IKBIP: variants seen among roughly 807,000 people sequenced by gnomAD.
IKBIP encodes IKBKB interacting protein.
In IKBIP, 28 loss-of-function variants were observed where a neutral mutation model predicts 31.0. The observed-to-expected ratio is 0.90, with a 90% CI of 0.67 to 1.24. The LOEUF is 1.24. Ranked by LOEUF, IKBIP falls within the 50% of genes most tolerant of loss-of-function variation. The pLI, the probability that IKBIP is intolerant of heterozygous loss-of-function variation, is 0.00. For synonymous variants in IKBIP, 164 were observed against 160.3 expected, an observed-to-expected ratio of 1.02 and a Z score of -0.17; for missense variants, 453 against 441.9, an observed-to-expected ratio of 1.03 and a Z score of -0.23.
chr12:98,631,859 A>C (rs2153298840), intron 2 of IKBIP, among the ~76,000 whole-genome samples: 1 of 150,828 alleles, frequency 6.6e-6, no homozygotes, highest in African/African-American at 2.4e-5. Context: ...TTTTATTTAT[A>C]TTTATTTATT....
downstream of IKBIP, among the ~76,000 whole-genome samples, chr12:98,621,596 T>C (rs2097610179): frequency 6.6e-6 from 1 of 152,202 alleles, no homozygotes; most frequent in South Asian, 2.1e-4. Flanking sequence ...CTCCATGGTG[T>C]AGTGAGATGT....
chr12:98,614,405 T>C (rs2097605136), intron 2 of IKBIP: 1 of 843,368 alleles, frequency 1.2e-6, no homozygotes, highest in Admixed American at 3.6e-5. Flanking sequence ...AAATTCATCT[T>C]AAATTTTATA....
In IKBIP at chr12:98,626,025, T is replaced by C; in HGVS notation, c.1039A>G (p.Lys347Glu). The change falls in exon 3 of 3, where the codon AAA (lysine) becomes GAA (glutamate). Residue 347 changes from lysine to glutamate, a missense_variant. By Grantham distance (56) the Lys-to-Glu change is moderately conservative. Transcript: ENST00000299157. Reference protein sequence around the residue: ...MQNELDILKEKVHDFIAYSST... With the variant: ...MQNELDILKEEVHDFIAYSST... ...GAGTATGCTATAAAATCATGAACTT[T>C]TTCTTTTAGAATATCCAGTTCATTT... 1 of 1,568,830 alleles carries C rather than the reference T, an allele frequency of 6.4e-7. No individual in the cohort carries two copies. The highest frequency in any genetic ancestry group is 1.2e-5 in the South Asian group (1 of 83,984).
rs1350418764 is a variant in IKBIP at position 98,625,615 on chromosome 12, G to T, written c.*315C>A. 8.0e-5 allele frequency: 13 copies of T among 162,594 alleles called. No homozygotes were observed. The highest frequency in any genetic ancestry group is 1.5e-4 in the Non-Finnish European group (11 of 75,612). The allele number at this position is 162,594 out of a possible 1,614,324, so 10.1% of individuals were successfully genotyped here. On this transcript the variant is annotated 3_prime_UTR_variant, in exon 3 of 3. Transcript: ENST00000299157. ...TTAGCCCCTGGAGACATCAATATAT[G>T]TGGGTACAATATAATAGGTGAAATT...
intron 1 of IKBIP, 124 bp from the exon 2 acceptor site, chr12:98,634,537 T>C (rs968614095): frequency 5.8e-5 from 22 of 382,522 alleles, no homozygotes; most frequent in Non-Finnish European, 9.0e-5. Context: ...GCTGTAGGTT[T>C]TTTTTTTTTT....
chr12:98,619,312 T>C (rs2097608260), downstream of IKBIP, among the ~76,000 whole-genome samples: 1 of 152,240 alleles, frequency 6.6e-6, no homozygotes, highest in South Asian at 2.1e-4. Flanking sequence ...TTAATGTATC[T>C]ACTCTGGTAA....
chr12:98,613,507 A>T (rs906827338), exon 3 of IKBIP: 34 of 678,084 alleles, frequency 5.0e-5, no homozygotes, highest in Non-Finnish European at 8.0e-5. Flanking sequence ...CCAAAATATC[A>T]TTATTTTTGA....
intron 1 of IKBIP, among the ~76,000 whole-genome samples, chr12:98,638,320 C>T (rs1291183439): frequency 6.6e-6 from 1 of 152,148 alleles, no homozygotes; most frequent in Non-Finnish European, 1.5e-5. Flanking sequence ...CAAGATCTCA[C>T]TCTATTTCCC....
At chr12:98,624,245 C>T (rs2097612284), downstream of IKBIP, 1 of 965,394 alleles carries the variant, frequency 1.0e-6, no homozygotes, top group Non-Finnish European at 1.2e-6. Flanking sequence ...AACAAAGTTC[C>T]AGCTTACTTT....
rs1442781200 is a variant in IKBIP at position 98,625,979 on chromosome 12, G to A, written c.1085C>T (p.Thr362Ile). 6.9e-7 allele frequency: 1 copy of A among 1,459,636 alleles called. No individual in the cohort carries two copies. Among genetic ancestry groups the A allele is most frequent in the Non-Finnish European group, 9.2e-7 (1 of 1,090,718 alleles). The allele number at this position is 1,459,636 out of a possible 1,614,324, so 90.4% of individuals were successfully genotyped here. The change falls in exon 3 of 3, where the codon ACT (threonine) becomes ATT (isoleucine). Residue 362 changes from threonine (T) to isoleucine (I), a missense_variant. Physicochemically the swap from Thr to Ile is moderately conservative, Grantham distance 89 (BLOSUM62 -1). Transcript: ENST00000299157. ...IAYSSTGEKG[T>I]LKEYNIENKG... The stretch of plus-strand genomic sequence containing the variant: ...ATTTTCTATATTATATTCTTTTAAA[G>A]TTCCCTTTTCTCCTGTACTTGAGTA...
At chr12:98,637,968 CA>C (rs1372674676) in intron 1 of IKBIP, among the ~76,000 whole-genome samples, 3 of 152,162 alleles carry the variant, frequency 2.0e-5, no homozygotes, top group Non-Finnish European at 4.4e-5. Flanking sequence ...TTTTATGAGT[CA>C]GGGGCATATT....
chr12:98,630,255 C>T (rs1348788616), intron 2 of IKBIP, among the ~76,000 whole-genome samples: 1 of 151,510 alleles, frequency 6.6e-6, no homozygotes, highest in East Asian at 1.9e-4. Context: ...TATGTTGGCA[C>T]ATGCCTGTAA....
At chr12:98,630,581 G>A (rs947427061) in intron 2 of IKBIP, among the ~76,000 whole-genome samples, 2 of 151,980 alleles carry the variant, frequency 1.3e-5, no homozygotes, top group African/African-American at 4.8e-5. Context: ...ACGTAGATGA[G>A]AAAAAAATTG....
chr12:98,641,226 C>T (rs1044264302), intron 1 of IKBIP, among the ~76,000 whole-genome samples: 2 of 152,090 alleles, frequency 1.3e-5, no homozygotes, highest in African/African-American at 2.4e-5. Flanking sequence ...GATTTTTTCC[C>T]TCCAACTTAA....
chr12:98,623,744 A>G (rs116480850), downstream of IKBIP, among the ~76,000 whole-genome samples: 2,127 of 150,800 alleles, frequency 0.014, 163 homozygotes, highest in African/African-American at 0.047. Context: ...TATCAGTTAC[A>G]AAGATACAAA....
chr12:98,643,817 C>CTTTTTTTTTTTTTTTTCCTTTTCTT (rs1163038325), intron 1 of IKBIP, among the ~76,000 whole-genome samples: 1 of 136,932 alleles, frequency 7.3e-6, no homozygotes, highest in African/African-American at 2.7e-5. Context: ...ATATGGTTTT[C>CTTTTTTTTTTTTTTTTCCTTTTCTT]TTTTTTTTTT....
downstream of IKBIP, among the ~76,000 whole-genome samples, chr12:98,619,560 GT>G (rs1342327963): frequency 6.6e-6 from 1 of 152,084 alleles, no homozygotes; most frequent in Non-Finnish European, 1.5e-5. Context: ...TTCGGGTTTG[GT>G]TAACCTATTT....
intron 2 of IKBIP, 75 bp downstream of exon 2, chr12:98,634,214 AGAAGTTC>A (rs2097623634): frequency 1.4e-6 from 1 of 706,738 alleles, no homozygotes; most frequent in African/African-American, 1.8e-5. Flanking sequence ...GCAGGAAGAA[AGAAGTTC>A]TGAGCTGGGA....
intron 2 of IKBIP, among the ~76,000 whole-genome samples, chr12:98,629,376 TCAAA>T (rs61111913): frequency 0.29 from 42,834 of 149,848 alleles, 6,161 homozygotes; most frequent in East Asian, 0.34. Flanking sequence ...CCTGTCTCTA[TCAAA>T]CAAACAAACA....
Sources: allele counts gnomAD v4.1 joint callset (sites outside exome capture counted in the v4.1 genomes callset), GRCh38; gene constraint gnomAD v4.1.1; transcripts MANE v1.5; gene names NCBI Gene and HGNC (gene_info 2026-07-23, HGNC 2026-07-21).